UBASH3B: variants seen among roughly 807,000 people sequenced by gnomAD.
UBASH3B encodes the protein ubiquitin associated and SH3 domain containing B.
UBASH3B carries 37 observed loss-of-function variants against 83.4 expected under a neutral mutation model. That is an observed-to-expected ratio of 0.44 (90% CI 0.34 to 0.58). UBASH3B has a LOEUF of 0.58. UBASH3B is among the 20% of genes least tolerant of loss of function. The pLI, the probability that UBASH3B is intolerant of heterozygous loss-of-function variation, is 0.01. For synonymous variants in UBASH3B, 304 were observed against 318.3 expected, an observed-to-expected ratio of 0.96 and a Z score of 0.48; for missense variants, 657 against 827.2, an observed-to-expected ratio of 0.79 and a Z score of 2.52.
chr11:122,708,886 G>A (rs1016237148), intron 1 of UBASH3B, among the ~76,000 whole-genome samples: 20 of 152,198 alleles, frequency 1.3e-4, no homozygotes, highest in African/African-American at 4.8e-4. Flanking sequence ...TATCTAGCCA[G>A]TGTTCAGTAC....
intron 1 of UBASH3B, among the ~76,000 whole-genome samples, chr11:122,757,988 G>C (rs752577706): frequency 6.6e-6 from 1 of 152,064 alleles, no homozygotes; most frequent in Admixed American, 6.5e-5. Context: ...TTACAGGCGT[G>C]AGCCACCGCA....
intron 1 of UBASH3B, among the ~76,000 whole-genome samples, chr11:122,665,393 A>G (rs1381543352): frequency 2.6e-5 from 4 of 152,046 alleles, no homozygotes; most frequent in Non-Finnish European, 4.4e-5. Context: ...GGGTCTCACT[A>G]CATTGCCCAG....
At chr11:122,739,564 TG>T (rs1860991767) in intron 1 of UBASH3B, among the ~76,000 whole-genome samples, 1 of 152,228 alleles carries the variant, frequency 6.6e-6, no homozygotes, top group South Asian at 2.1e-4. Context: ...TGGGTATCCA[TG>T]GTCGGGTATT....
At chr11:122,747,223 TG>T (rs1861132623) in intron 1 of UBASH3B, among the ~76,000 whole-genome samples, 1 of 151,710 alleles carries the variant, frequency 6.6e-6, no homozygotes, top group South Asian at 2.1e-4. Context: ...TGGTGGAGGG[TG>T]GACTATAAAT....
chr11:122,750,205 G>C (rs1382633127), intron 1 of UBASH3B, among the ~76,000 whole-genome samples: 1 of 152,210 alleles, frequency 6.6e-6, no homozygotes, highest in Non-Finnish European at 1.5e-5. Flanking sequence ...GCCTGGGCTA[G>C]GGGAACGGCT....
chr11:122,766,824 C>A (rs1002839493), intron 1 of UBASH3B, among the ~76,000 whole-genome samples: 1 of 152,242 alleles, frequency 6.6e-6, no homozygotes, highest in African/African-American at 2.4e-5. Context: ...TTGGCTCTGG[C>A]ATGCATTTGC....
intron 5 of UBASH3B, among the ~76,000 whole-genome samples, chr11:122,786,135 C>T (rs577084748): frequency 5.3e-5 from 8 of 152,138 alleles, no homozygotes; most frequent in African/African-American, 1.9e-4. Flanking sequence ...CTGCAACTTC[C>T]GCCTCCTGGG....
intron 1 of UBASH3B, among the ~76,000 whole-genome samples, chr11:122,723,832 G>T (rs1027843993): frequency 6.6e-6 from 1 of 152,248 alleles, no homozygotes; most frequent in Non-Finnish European, 1.5e-5. Context: ...GAAGGAGGCA[G>T]GGTGGCCCTG....
chr11:122,796,438 A>G (rs1010901982), intron 8 of UBASH3B, among the ~76,000 whole-genome samples, 162 bp downstream of exon 8: 3 of 152,168 alleles, frequency 2.0e-5, no homozygotes, highest in Admixed American at 2.0e-4. Context: ...GCTTTAGAGA[A>G]GAAGTAAGTG....
At chr11:122,779,459 C>T (rs1466314391) in intron 3 of UBASH3B, 38 bp from the exon 4 acceptor site, 11 of 1,610,534 alleles carry the variant, frequency 6.8e-6, no homozygotes, top group Non-Finnish European at 7.6e-6. Context: ...TCCATCTCCC[C>T]TTGTCTCTGA....
chr11:122,789,389 A>C, intron 6 of UBASH3B, 81 bp downstream of exon 6: 1 of 1,466,800 alleles, frequency 6.8e-7, no homozygotes, highest in Non-Finnish European at 9.4e-7. Context: ...GGGCAGCAGT[A>C]AATGGAGTCC....
intron 5 of UBASH3B, 74 bp downstream of exon 5, chr11:122,783,296 G>A: frequency 2.0e-6 from 3 of 1,531,946 alleles, no homozygotes; most frequent in Non-Finnish European, 2.7e-6. Flanking sequence ...GCTGCTGCAG[G>A]GAGATGGGTA....
chr11:122,656,357 T>C (rs1008132331), intron 1 of UBASH3B, 147 bp downstream of exon 1: 5 of 836,652 alleles, frequency 6.0e-6, no homozygotes, highest in Non-Finnish European at 8.0e-6. Context: ...ATGGGCGCGC[T>C]GGCAACCCGG....
chr11:122,811,917 T>C lies in UBASH3B; in HGVS notation c.*2031T>C, dbSNP rs1861455654. 6.6e-6 allele frequency: 1 copy of C among 152,238 alleles called. No homozygotes were observed. The highest frequency in any genetic ancestry group is 1.5e-5 in the Non-Finnish European group (1 of 68,030). 9.4% of individuals were successfully genotyped at this position (152,238 alleles called of 1,614,324 possible). A position where few individuals can be genotyped will look rare whatever the true frequency, so the allele number is the denominator to read the frequency against. On this transcript the variant is annotated 3_prime_UTR_variant, in exon 14 of 14. Coordinates refer to ENST00000284273, the MANE Select transcript of UBASH3B (RefSeq NM_032873.5). ...AATCAGATCCATAATCTTTAACAGA[T>C]TCACCACAAATTTTCATGGGCGTTG...
intron 4 of UBASH3B, among the ~76,000 whole-genome samples, 181 bp downstream of exon 4, chr11:122,779,876 A>G (rs1478612345): frequency 6.6e-6 from 1 of 152,200 alleles, no homozygotes; most frequent in Non-Finnish European, 1.5e-5. Flanking sequence ...GCTCCCTTGT[A>G]AAAACGTTCA....
intron 1 of UBASH3B, among the ~76,000 whole-genome samples, chr11:122,751,403 C>T (rs998346838): frequency 2.6e-5 from 4 of 152,168 alleles, no homozygotes; most frequent in Non-Finnish European, 4.4e-5. Flanking sequence ...CCATCTCTGT[C>T]GTCATCTGTC....
At chr11:122,761,454 G>A (rs765050029) in intron 1 of UBASH3B, among the ~76,000 whole-genome samples, 8 of 152,196 alleles carry the variant, frequency 5.3e-5, no homozygotes, top group Non-Finnish European at 1.0e-4. Context: ...CTGGGTGAGA[G>A]TGAGACACCA....
chr11:122,699,553 C>CT (rs746315373), intron 1 of UBASH3B, among the ~76,000 whole-genome samples: 1 of 144,884 alleles, frequency 6.9e-6, no homozygotes, highest in South Asian at 2.2e-4. Context: ...TTCTTTCTTT[C>CT]TTTCTTTCTT....
intron 1 of UBASH3B, among the ~76,000 whole-genome samples, chr11:122,705,079 T>A (rs2135931852): frequency 6.6e-6 from 1 of 152,306 alleles, no homozygotes; most frequent in Admixed American, 6.5e-5. Context: ...ACAGAAACTA[T>A]CCCCGTGGAC....
Sources: gnomAD v4.1 joint callset for allele counts (sites outside exome capture counted in the v4.1 genomes callset) on GRCh38, gnomAD v4.1.1 for gene constraint, MANE v1.5 for transcripts, NCBI Gene and HGNC (gene_info 2026-07-23, HGNC 2026-07-21) for gene names.